ERBB4: variants seen among roughly 807,000 people sequenced by gnomAD.
ERBB4 encodes receptor tyrosine-protein kinase erbB-4.
Under a neutral mutation model 158.0 loss-of-function variants are expected in ERBB4, and 42 were observed. The observed-to-expected ratio is 0.27, with a 90% confidence interval of 0.21 to 0.34. The LOEUF (loss-of-function observed/expected upper bound fraction) is 0.34, where lower values mean the gene tolerates loss of function less well. Ranked by LOEUF, ERBB4 falls within the 10% of genes least tolerant of loss-of-function variation. The pLI is 1.00. For synonymous variants in ERBB4, 583 were observed against 558.7 expected (o/e 1.04, Z -0.61); for missense variants, 1,333 against 1,624.1 (o/e 0.82, Z 3.08).
At chr2:212,226,099 C>A (rs4335895) in intron 1 of ERBB4, among the ~76,000 whole-genome samples, 4,017 of 152,162 alleles carry the variant, frequency 0.026, 171 homozygotes, top group African/African-American at 0.092. Flanking sequence ...CTTCTGTTGG[C>A]CTGGAACAAA....
At chr2:211,987,878 T>C (rs758404386) in intron 2 of ERBB4, among the ~76,000 whole-genome samples, 5 of 152,184 alleles carry the variant, frequency 3.3e-5, no homozygotes, top group Admixed American at 2.6e-4. Flanking sequence ...ATCTTGTCCA[T>C]TTAAAGGAAG....
chr2:212,368,193 A>G (rs748969965), intron 1 of ERBB4, among the ~76,000 whole-genome samples: 1 of 152,170 alleles, frequency 6.6e-6, no homozygotes, highest in African/African-American at 2.4e-5. Context: ...CCATCAATCA[A>G]TGAATGGACA....
At chr2:212,037,486 T>C (rs373570918) in intron 2 of ERBB4, among the ~76,000 whole-genome samples, 9 of 152,308 alleles carry the variant, frequency 5.9e-5, no homozygotes, top group African/African-American at 1.9e-4. Flanking sequence ...GTATAAATGC[T>C]TTATAAGTGT....
intron 19 of ERBB4, among the ~76,000 whole-genome samples, chr2:211,578,022 T>C (rs1395022969): frequency 2.6e-5 from 4 of 152,156 alleles, no homozygotes; most frequent in African/African-American, 9.6e-5. Context: ...AGTCAAACTC[T>C]GTAGATAATA....
chr2:211,574,107 A>G (rs2067821700), intron 19 of ERBB4, among the ~76,000 whole-genome samples: 1 of 152,240 alleles, frequency 6.6e-6, no homozygotes. Context: ...AGGGAATAAA[A>G]TCGTTAAGCA....
chr2:211,973,213 C>G (rs6731660), intron 2 of ERBB4, among the ~76,000 whole-genome samples: 1 of 82,484 alleles, frequency 1.2e-5, no homozygotes, highest in Non-Finnish European at 3.3e-5. Context: ...TCCTTTTTTT[C>G]TTTTTTGAAA....
chr2:211,834,021 C>T (rs1469920042), intron 3 of ERBB4, among the ~76,000 whole-genome samples: 5 of 152,048 alleles, frequency 3.3e-5, no homozygotes, highest in Non-Finnish European at 4.4e-5. Flanking sequence ...ACAGTCCCTT[C>T]TAGACCTTTA....
chr2:211,689,049 T>G (rs543839087), intron 12 of ERBB4, among the ~76,000 whole-genome samples: 3 of 152,130 alleles, frequency 2.0e-5, no homozygotes, highest in Non-Finnish European at 4.4e-5. Context: ...AGCTGAATGA[T>G]TTGATGTTTT....
At chr2:212,347,710 G>C (rs2089073261) in intron 1 of ERBB4, among the ~76,000 whole-genome samples, 1 of 152,072 alleles carries the variant, frequency 6.6e-6, no homozygotes, top group African/African-American at 2.4e-5. Context: ...TGTCATATTG[G>C]TGCTCAATAA....
intron 9 of ERBB4, among the ~76,000 whole-genome samples, chr2:211,709,538 C>T (rs1240650259): frequency 6.6e-6 from 1 of 151,884 alleles, no homozygotes; most frequent in Admixed American, 6.6e-5. Context: ...TCAATGGGGG[C>T]AGCACCACCC....
intron 3 of ERBB4, among the ~76,000 whole-genome samples, chr2:211,856,836 T>C (rs1013236300): frequency 1.3e-5 from 2 of 152,124 alleles, no homozygotes; most frequent in African/African-American, 4.8e-5. Flanking sequence ...TTTATGAACA[T>C]ATGAAACTAG....
rs571699365 is a variant in ERBB4 at position 211,484,565 on chromosome 2, A to C, written c.2488-53465T>G. Among the ~76,000 whole-genome samples, 4 of 152,338 alleles carry C rather than the reference A, an allele frequency of 2.6e-5. No homozygotes were observed. In the East Asian group the frequency reaches 7.7e-4, roughly 29 times the overall value. ...AAATAAAATTTAAAAGACTGCATTAATATGAGACAGAGTAGATTTCAGAGC... is the reference window on the plus strand; with the variant it reads ...AAATAAAATTTAAAAGACTGCATTACTATGAGACAGAGTAGATTTCAGAGC... On this transcript the variant is annotated intron_variant, in intron 20 of 27. Transcript: ENST00000342788.
chr2:211,985,111 C>T (rs1216867453), intron 2 of ERBB4, among the ~76,000 whole-genome samples: 3 of 152,186 alleles, frequency 2.0e-5, no homozygotes, highest in Non-Finnish European at 4.4e-5. Flanking sequence ...AACATACTCA[C>T]TGACAAACAT....
chr2:212,124,812 A>C lies in ERBB4; in HGVS notation c.174T>G (p.Val58=). The C allele has an allele frequency of 6.2e-7, 1 of 1,614,188 alleles. No individual in the cohort carries two copies. Among genetic ancestry groups the C allele is most frequent in the South Asian group, 1.1e-5 (1 of 91,074 alleles). ...TGGTTATCTCCAGGTTGCCCATGAC[A>C]ACCTCACAGTTTTCATAGTACTTGC... is the stretch of plus-strand genomic sequence containing the variant. The part of the protein sequence containing the change: ...ALRKYYENCE[V]VMGNLEITSI... Residue 58 remains valine (V), a synonymous_variant, in exon 2 of 28, where the codon GTT becomes GTG. Coordinates refer to ENST00000342788, the MANE Select transcript of ERBB4 (RefSeq NM_005235.3).
At chr2:211,651,149 G>T (rs1163141002) in intron 16 of ERBB4, among the ~76,000 whole-genome samples, 1 of 152,164 alleles carries the variant, frequency 6.6e-6, no homozygotes, top group African/African-American at 2.4e-5. Context: ...TTACCTTACA[G>T]TATATAAATG....
intron 1 of ERBB4, among the ~76,000 whole-genome samples, chr2:212,537,113 G>T (rs951027558): frequency 6.9e-6 from 1 of 144,896 alleles, no homozygotes; most frequent in Admixed American, 6.8e-5. Context: ...ATTGTAACTT[G>T]TTATTTACTA....
chr2:212,085,841 C>T (rs2078588937), intron 2 of ERBB4, among the ~76,000 whole-genome samples: 1 of 75,150 alleles, frequency 1.3e-5, no homozygotes, highest in Non-Finnish European at 3.3e-5. Context: ...TATATAATCC[C>T]CCAAAATAAA....
At chr2:211,863,442 G>C (rs2078121169) in intron 3 of ERBB4, among the ~76,000 whole-genome samples, 1 of 152,194 alleles carries the variant, frequency 6.6e-6, no homozygotes, top group Non-Finnish European at 1.5e-5. Flanking sequence ...AATAAATCTT[G>C]CTATTGCTCA....
chr2:212,196,284 G>T (rs2082424430), intron 1 of ERBB4, among the ~76,000 whole-genome samples: 1 of 152,102 alleles, frequency 6.6e-6, no homozygotes, highest in South Asian at 2.1e-4. Context: ...TGATAAGGAA[G>T]ATAAAATATA....
Sources: gnomAD v4.1 joint callset for allele counts (sites outside exome capture counted in the v4.1 genomes callset) on GRCh38, gnomAD v4.1.1 for gene constraint, MANE v1.5 for transcripts, NCBI Gene and HGNC (gene_info 2026-07-23, HGNC 2026-07-21) for gene names.